The following B4GALT4 variants were observed in gnomAD, a reference collection of about 807,000 sequenced individuals.
B4GALT4 encodes the protein N-acetyllactosamine synthase.
In B4GALT4, 27 loss-of-function variants were observed where a neutral mutation model predicts 37.3. The ratio of observed to expected loss-of-function variants is 0.72; its 90% CI spans 0.53 to 1.00. The LOEUF (loss-of-function observed/expected upper bound fraction) is 1.00, where lower values mean the gene tolerates loss of function less well. Among genes scored for constraint, B4GALT4 ranks in the 50% least tolerant of loss-of-function variants. The pLI, the probability that B4GALT4 is intolerant of heterozygous loss-of-function variation, is 0.00. For missense variants in B4GALT4, 372 were observed against 413.1 expected, an observed-to-expected ratio of 0.90 and a Z score of 0.86; for synonymous variants, 148 against 154.1, an observed-to-expected ratio of 0.96 and a Z score of 0.29.
At chr3:119,218,826 G>A in intron 5 of B4GALT4, 54 bp from the exon 6 acceptor site, 1 of 1,602,804 alleles carries the variant, frequency 6.2e-7, no homozygotes, top group Non-Finnish European at 8.5e-7. Context: ...AAAGGTCTCT[G>A]ATTTCAGGGC....
intron 7 of B4GALT4, 171 bp downstream of exon 7, chr3:119,216,069 C>T (rs1296320917): frequency 9.7e-6 from 4 of 412,406 alleles, no homozygotes; most frequent in Non-Finnish European, 1.7e-5. Flanking sequence ...GAACTGTAGA[C>T]GTGAGGGTTC....
intron 5 of B4GALT4, among the ~76,000 whole-genome samples, chr3:119,223,269 C>T (rs1329100962): frequency 1.3e-5 from 2 of 152,262 alleles, no homozygotes; most frequent in South Asian, 2.1e-4. Flanking sequence ...CTTATTCAAA[C>T]TGGTCTTATG....
chr3:119,238,006 C>G (rs2079033483), intron 1 of B4GALT4, among the ~76,000 whole-genome samples: 1 of 152,072 alleles, frequency 6.6e-6, no homozygotes, highest in Non-Finnish European at 1.5e-5. Context: ...ATGGCTCATG[C>G]CTGTAATCCC....
At position 119,216,431 on chromosome 3, in the gene B4GALT4, CACACACACGCACAT is replaced by C. The variant is rs1259746095; in HGVS notation, c.798-101_798-88del. 2,285 of 512,512 alleles carry C rather than the reference CACACACACGCACAT, an allele frequency of 4.5e-3. 39 individuals are homozygous for C. In the African/African-American group the frequency reaches 0.057, roughly 13 times the overall value. 31.7% of individuals were successfully genotyped at this position (512,512 alleles called of 1,614,324 possible). On this transcript the variant is annotated intron_variant, in intron 6 of 7. Transcript: ENST00000393765. Reference sequence around the variant, plus strand: ...AAAGCATCATTTGCGAAAATTTATACACACACACGCACATACACACACACACACACACACACACA... The same window carrying C: ...AAAGCATCATTTGCGAAAATTTATACACACACACACACACACACACACACA...
intron 2 of B4GALT4, among the ~76,000 whole-genome samples, chr3:119,234,666 A>G (rs1576939208): frequency 6.6e-6 from 1 of 152,202 alleles, no homozygotes; most frequent in East Asian, 1.9e-4. Context: ...AAGTGCCATC[A>G]TATTGGATTT....
chr3:119,216,974 C>G (rs2078309505), intron 6 of B4GALT4, among the ~76,000 whole-genome samples: 1 of 152,164 alleles, frequency 6.6e-6, no homozygotes, highest in African/African-American at 2.4e-5. Flanking sequence ...TATATAAGTA[C>G]AAAGAAGGGT....
At chr3:119,224,972 C>T (rs1189582623) in intron 4 of B4GALT4, among the ~76,000 whole-genome samples, 4 of 152,228 alleles carry the variant, frequency 2.6e-5, no homozygotes. Context: ...CCCAATCTTA[C>T]CCTCTGTTAT....
rs1366312514 is a variant in B4GALT4, at chr3:119,229,525, T to TC, written c.253+321_253+322insG. On this transcript the variant is annotated intron_variant, in intron 3 of 7. Coordinates refer to ENST00000393765, the MANE Select transcript of B4GALT4 (RefSeq NM_003778.4). ...GTTCCAAAATAGGAAAAATCTAATG[T>TC]GTAGAGTTAGAATCTTGAAGCCGGA... Among the ~76,000 whole-genome samples, 7 of 152,324 alleles carry TC rather than the reference T, an allele frequency of 4.6e-5. No individual in the cohort carries two copies. In the East Asian group the frequency reaches 1.3e-3, roughly 29 times the overall value.
intron 2 of B4GALT4, chr3:119,233,247 C>T (rs994554722): frequency 1.3e-5 from 2 of 152,208 alleles, no homozygotes; most frequent in Admixed American, 1.3e-4. Context: ...ACACATCCAC[C>T]TCCCTCATTC....
chr3:119,217,736 G>A (rs555139112), intron 6 of B4GALT4, among the ~76,000 whole-genome samples: 45 of 151,660 alleles, frequency 3.0e-4, no homozygotes, highest in African/African-American at 8.7e-4. Context: ...CCAGCTACTC[G>A]GGAGGCTGAG....
intron 2 of B4GALT4, among the ~76,000 whole-genome samples, chr3:119,230,692 T>A (rs1018123204): frequency 1.4e-4 from 22 of 152,186 alleles, no homozygotes; most frequent in African/African-American, 5.1e-4. Flanking sequence ...AAGGGAAAAG[T>A]TCTTCTCCCC....
chr3:119,229,654 C>A (rs2107521013), intron 3 of B4GALT4, among the ~76,000 whole-genome samples, 193 bp downstream of exon 3: 1 of 152,142 alleles, frequency 6.6e-6, no homozygotes, highest in Admixed American at 6.5e-5. Context: ...GAAACTTAAC[C>A]AAGTGGTACA....
intron 1 of B4GALT4, among the ~76,000 whole-genome samples, chr3:119,238,029 G>A (rs2079034218): frequency 6.6e-6 from 1 of 152,158 alleles, no homozygotes. Flanking sequence ...CACTTTGGAA[G>A]GCCGAGGCGG....
Position 119,211,935 on chromosome 3 carries a change from C to T in B4GALT4, c.*614G>A. 1 of 547,094 alleles carries T rather than the reference C, an allele frequency of 1.8e-6. No homozygotes were observed. The highest frequency in any genetic ancestry group is 3.2e-6 in the Non-Finnish European group (1 of 308,120). 33.9% of individuals were successfully genotyped at this position (547,094 alleles called of 1,614,324 possible). ...ACCTGGGCAGGTCCTCCCCTGAAGG[C>T]TATCAGCAGCTGCAACCAGCTCAGC... On this transcript the variant is annotated 3_prime_UTR_variant, in exon 8 of 8. Transcript: ENST00000393765.
chr3:119,226,787 C>A, intron 4 of B4GALT4, 22 bp downstream of exon 4: 4 of 1,603,370 alleles, frequency 2.5e-6, no homozygotes, highest in Non-Finnish European at 3.4e-6. Context: ...GAGGGCAGGC[C>A]CTGGTCTGCC....
intron 6 of B4GALT4, among the ~76,000 whole-genome samples, chr3:119,218,118 C>T (rs1187993747): frequency 1.3e-5 from 2 of 152,164 alleles, no homozygotes; most frequent in Non-Finnish European, 2.9e-5. Context: ...AGGGTAATGT[C>T]AACAGCCCAG....
intron 7 of B4GALT4, chr3:119,212,900 A>T: frequency 4.1e-6 from 2 of 486,956 alleles, no homozygotes; most frequent in Non-Finnish European, 7.2e-6. Flanking sequence ...ACCCATGATG[A>T]AAAGTGTCAC....
intron 2 of B4GALT4, among the ~76,000 whole-genome samples, chr3:119,235,715 T>C (rs1385262231): frequency 1.3e-5 from 2 of 151,874 alleles, no homozygotes; most frequent in Non-Finnish European, 2.9e-5. Context: ...CTGGGCAGGG[T>C]AGGAATGGGA....
chr3:119,226,830 A>G lies in B4GALT4; in HGVS notation c.465T>C (p.Tyr155=), dbSNP rs1165685341. 6.2e-7 allele frequency: 1 copy of G among 1,613,776 alleles called. No individual in the cohort carries two copies. The highest frequency in any genetic ancestry group is 8.5e-7 in the Non-Finnish European group (1 of 1,179,988). Residue 155 remains tyrosine, a synonymous_variant, in exon 4 of 8, where the codon TAT becomes TAC. Transcript: ENST00000393765. Reference sequence around the variant, plus strand: ...TCACCTGGTGGATGACGTAGATGCCATAATCCAGCTGCTGCCTCTGCAGGA... The same window carrying G: ...TCACCTGGTGGATGACGTAGATGCCGTAATCCAGCTGCTGCCTCTGCAGGA... ...HPFLQRQQLD[Y]GIYVIHQAEG...
Sources: allele counts gnomAD v4.1 joint callset (sites outside exome capture counted in the v4.1 genomes callset), GRCh38; gene constraint gnomAD v4.1.1; transcripts MANE v1.5; gene names NCBI Gene and HGNC (gene_info 2026-07-23, HGNC 2026-07-21).